The following TBC1D30 variants were observed in gnomAD, a reference collection of about 807,000 sequenced individuals.
TBC1D30 encodes TBC1 domain family, member 30.
TBC1D30 carries 31 observed loss-of-function variants against 63.2 expected under a neutral mutation model. The observed-to-expected ratio is 0.49, with a 90% CI of 0.37 to 0.66. TBC1D30 has a LOEUF of 0.66. Ranked by LOEUF, TBC1D30 falls within the 30% of genes least tolerant of loss-of-function variation. The pLI is 0.00. For synonymous variants in TBC1D30, 307 were observed against 361.5 expected, an observed-to-expected ratio of 0.85 and a Z score of 1.71; for missense variants, 810 against 953.6, an observed-to-expected ratio of 0.85 and a Z score of 1.98.
chr12:64,830,443 T>G lies in TBC1D30; in HGVS notation c.349T>G (p.Phe117Val). The G allele has an allele frequency of 6.5e-7, 1 of 1,535,626 alleles. No individual in the cohort carries two copies. The highest frequency in any genetic ancestry group is 2.4e-5 in the East Asian group (1 of 40,888). The part of the protein sequence containing the change: ...IAIDWDKTMR[F>V]TFNERSNPDD... Reference sequence around the variant, plus strand: ...CATTGACTGGGACAAAACCATGCGCTTCACTTTCAATGAAAGGAGTAATCC... The same window carrying G: ...CATTGACTGGGACAAAACCATGCGCGTCACTTTCAATGAAAGGAGTAATCC... The change falls in exon 4 of 12, where the codon TTC becomes GTC. Residue 117 changes from phenylalanine to valine, a missense_variant. Phe to Val is a conservative substitution (Grantham distance 50). Coordinates refer to ENST00000539867, the MANE Select transcript of TBC1D30 (RefSeq NM_015279.2).
intron 10 of TBC1D30, among the ~76,000 whole-genome samples, 163 bp from the exon 11 acceptor site, chr12:64,870,439 C>T (rs1878563265): frequency 6.6e-6 from 1 of 152,120 alleles, no homozygotes; most frequent in African/African-American, 2.4e-5. Context: ...TTTTCAGGGG[C>T]ACATCAAAAT....
chr12:64,803,621 T>C (rs1872705690), intron 2 of TBC1D30, among the ~76,000 whole-genome samples: 1 of 152,270 alleles, frequency 6.6e-6, no homozygotes, highest in Non-Finnish European at 1.5e-5. Context: ...CTATGGTTTT[T>C]ATGGTTTTAG....
intron 2 of TBC1D30, among the ~76,000 whole-genome samples, chr12:64,795,241 C>T (rs11175555): frequency 0.58 from 87,887 of 151,846 alleles, 26,003 homozygotes; most frequent in East Asian, 0.9. Context: ...GAAGAGTCTT[C>T]TGATCTCCTG....
intron 2 of TBC1D30, among the ~76,000 whole-genome samples, chr12:64,795,754 A>C (rs1277202288): frequency 6.6e-6 from 1 of 150,410 alleles, no homozygotes; most frequent in Non-Finnish European, 1.5e-5. Flanking sequence ...TTATGATTTA[A>C]AAATTATCTT....
At chr12:64,849,060 G>T (rs1245605939) in intron 8 of TBC1D30, among the ~76,000 whole-genome samples, 1 of 152,184 alleles carries the variant, frequency 6.6e-6, no homozygotes, top group Non-Finnish European at 1.5e-5. Flanking sequence ...TTTGTTGGCT[G>T]CATAAGTGTC....
chr12:64,870,406 G>A (rs1014628915), intron 10 of TBC1D30, among the ~76,000 whole-genome samples, 196 bp from the exon 11 acceptor site: 5 of 152,122 alleles, frequency 3.3e-5, no homozygotes, highest in Non-Finnish European at 7.3e-5. Flanking sequence ...CCACAGTTAG[G>A]TTAATAAGAA....
upstream of TBC1D30, among the ~76,000 whole-genome samples, chr12:64,821,834 G>T (rs995784905): frequency 6.6e-6 from 1 of 152,212 alleles, no homozygotes; most frequent in African/African-American, 2.4e-5. Flanking sequence ...CGCAGCAAAA[G>T]GTTGGGAAAT....
chr12:64,780,509 CCACGTCCTGCGCCTTCTCGCG>C (rs1363272255), exon 1 of TBC1D30, among the ~76,000 whole-genome samples: 2 of 152,268 alleles, frequency 1.3e-5, no homozygotes, highest in East Asian at 1.9e-4. Flanking sequence ...GGTGTTCTGG[CCACGTCCTGCGCCTTCTCGCG>C]CACGGGAGAG....
At chr12:64,860,189 TA>T (rs1334919046) in intron 8 of TBC1D30, among the ~76,000 whole-genome samples, 1 of 152,022 alleles carries the variant, frequency 6.6e-6, no homozygotes, top group Non-Finnish European at 1.5e-5. Flanking sequence ...GGCTAATTTT[TA>T]AATTTTTTGT....
intron 1 of TBC1D30, among the ~76,000 whole-genome samples, chr12:64,772,237 CA>C (rs747871090): frequency 0.033 from 1,627 of 49,320 alleles, 11 homozygotes; most frequent in Non-Finnish European, 0.042. Flanking sequence ...AACTCTGTCT[CA>C]AAAAAAAAAA....
upstream of TBC1D30, chr12:64,824,582 C>G: frequency 3.1e-6 from 1 of 325,370 alleles, no homozygotes; most frequent in Non-Finnish European, 5.6e-6. Flanking sequence ...ACGCCGCCTC[C>G]GTCTCCCACG....
In TBC1D30 at chr12:64,767,788, C is replaced by G. The variant is rs868332804; in HGVS notation, c.-376+8139C>G. ...CCTTGATAAGATACACATGCTCCGGCGGGGGGGGGGGGAGGGGGGGGAGAT... is the reference window on the plus strand; with the variant it reads ...CCTTGATAAGATACACATGCTCCGGGGGGGGGGGGGGGAGGGGGGGGAGAT... On this transcript the variant is annotated intron_variant, in intron 1 of 13. Transcript: ENST00000674237. Among the ~76,000 whole-genome samples the G allele has an allele frequency of 1.7e-4, 10 of 60,194 alleles. No individual in the cohort carries two copies. The East Asian group carries it at 1.9e-3, about 11-fold the overall frequency. 39.5% of individuals were successfully genotyped at this position (60,194 alleles called of 152,430 possible). A position where few individuals can be genotyped will look rare whatever the true frequency, so the allele number is the denominator to read the frequency against.
At chr12:64,786,512 A>T (rs1458412839) in intron 2 of TBC1D30, among the ~76,000 whole-genome samples, 1 of 151,948 alleles carries the variant, frequency 6.6e-6, no homozygotes, top group Admixed American at 6.6e-5. Context: ...TTGTATTTTT[A>T]GTAGAGACGA....
At chr12:64,846,082 T>A (rs553969535) in intron 8 of TBC1D30, among the ~76,000 whole-genome samples, 62 of 151,890 alleles carry the variant, frequency 4.1e-4, no homozygotes, top group African/African-American at 1.4e-3. Context: ...TTTGAGCTAC[T>A]TGAATATTCT....
At chr12:64,854,209 G>A (rs1565679560) in intron 8 of TBC1D30, among the ~76,000 whole-genome samples, 3 of 151,926 alleles carry the variant, frequency 2.0e-5, no homozygotes, top group African/African-American at 4.8e-5. Flanking sequence ...TTCTCTGGTG[G>A]TGTGCTTTAA....
chr12:64,856,448 C>T (rs985078020), intron 8 of TBC1D30, among the ~76,000 whole-genome samples: 2 of 152,250 alleles, frequency 1.3e-5, no homozygotes, highest in East Asian at 1.9e-4. Flanking sequence ...AGGTACCCAC[C>T]TTGGTGGTCT....
At chr12:64,775,305 C>G (rs572325055) in intron 1 of TBC1D30, among the ~76,000 whole-genome samples, 1 of 151,968 alleles carries the variant, frequency 6.6e-6, no homozygotes, top group East Asian at 1.9e-4. Flanking sequence ...TGTAAATGGG[C>G]TAAATGCCCA....
At chr12:64,849,772 A>C (rs747817918) in intron 8 of TBC1D30, among the ~76,000 whole-genome samples, 6 of 152,256 alleles carry the variant, frequency 3.9e-5, no homozygotes, top group Non-Finnish European at 7.4e-5. Flanking sequence ...TTTTGGTTCC[A>C]TATGAAATTT....
chr12:64,793,830 C>T (rs1872087930), intron 2 of TBC1D30, among the ~76,000 whole-genome samples: 1 of 152,232 alleles, frequency 6.6e-6, no homozygotes. Flanking sequence ...TCCCTACTGG[C>T]TGGGCTCCAT....
Sources: allele counts gnomAD v4.1 joint callset (sites outside exome capture counted in the v4.1 genomes callset), GRCh38; gene constraint gnomAD v4.1.1; transcripts MANE v1.5; gene names NCBI Gene and HGNC (gene_info 2026-07-23, HGNC 2026-07-21).